The following FGF13 variants were observed in gnomAD, a reference collection of about 807,000 sequenced individuals.
FGF13 encodes fibroblast growth factor 13.
FGF13 carries 2 observed loss-of-function variants against 19.5 expected under a neutral mutation model. The observed-to-expected ratio is 0.10, with a 90% confidence interval of 0.04 to 0.32. The LOEUF (loss-of-function observed/expected upper bound fraction) is 0.32, where lower values mean the gene tolerates loss of function less well. Among genes scored for constraint, FGF13 ranks in the 10% least tolerant of loss-of-function variants. FGF13 has a pLI of 1.00. For synonymous variants in FGF13, 72 were observed against 76.9 expected (o/e 0.94, Z 0.33); for missense variants, 113 against 192.7 (o/e 0.59, Z 2.45).
At chrX:139,065,994 A>T (rs1292073579) in intron 1 of FGF13, among the ~76,000 whole-genome samples, 1 of 111,872 alleles carries the variant, frequency 8.9e-6, no homozygotes, top group Non-Finnish European at 1.9e-5. Context: ...AGTGCAATCA[A>T]ATTAAAACTC....
Position 139,198,086 on chromosome X carries a change from G to T in FGF13, c.-113+5330C>A, listed in dbSNP as rs545227441. ...AAAGGGCATGAAAGAACTTTCTGGG[G>T]TGACAAGAATGTTCTGTATCTTGAC... On this transcript the variant is annotated intron_variant, in intron 1 of 2. Coordinates refer to the FGF13 transcript ENST00000421460. Among the ~76,000 whole-genome samples the T allele has an allele frequency of 1.3e-4, 14 of 109,885 alleles. 1 individual carries two copies. The South Asian group carries it at 5.2e-3, about 41-fold the overall frequency.
chrX:138,785,677 G>C (rs2090686776), intron 3 of FGF13, among the ~76,000 whole-genome samples: 1 of 111,843 alleles, frequency 8.9e-6, no homozygotes, highest in South Asian at 3.7e-4. Context: ...ACTGGTCTTT[G>C]CTTCTAAATA....
intron 1 of FGF13, among the ~76,000 whole-genome samples, chrX:138,914,282 G>A (rs1157445949): frequency 9.4e-6 from 1 of 106,082 alleles, no homozygotes; most frequent in East Asian, 2.9e-4. Flanking sequence ...AGCTGCCATT[G>A]CCTTTCACAC....
chrX:138,638,182 A>G lies in FGF13; in HGVS notation c.403-2527T>C, dbSNP rs765427417. Among the ~76,000 whole-genome samples the G allele has an allele frequency of 1.4e-4, 16 of 111,714 alleles. No individual in the cohort carries two copies. The South Asian group carries it at 1.9e-3, about 13-fold the overall frequency. ...AAAGCAAAGTTCCCTTCCTTGGGAA[A>G]TTTTGATGATTTCACCTTGCCTATA... On this transcript the variant is annotated intron_variant, in intron 3 of 4. Transcript: ENST00000315930.
chrX:139,059,430 A>AAAG (rs1556348518), intron 1 of FGF13, among the ~76,000 whole-genome samples: 59 of 107,396 alleles, frequency 5.5e-4, no homozygotes, highest in African/African-American at 1.9e-3. Context: ...TTAAAAAAAA[A>AAAG]AGAGAGAGAG....
At chrX:138,988,515 T>G (rs1419220197) in intron 1 of FGF13, among the ~76,000 whole-genome samples, 1 of 112,375 alleles carries the variant, frequency 8.9e-6, no homozygotes, top group Non-Finnish European at 1.9e-5. Context: ...CAAAATTTGT[T>G]ACTATTTTTC....
At chrX:139,141,486 G>A (rs757110638) in intron 1 of FGF13, among the ~76,000 whole-genome samples, 22 of 111,668 alleles carry the variant, frequency 2.0e-4, no homozygotes, top group African/African-American at 2.9e-4. Flanking sequence ...ATCCAGCACC[G>A]TCTTATCCAC....
At chrX:138,931,922 C>T (rs1403616178) in intron 1 of FGF13, among the ~76,000 whole-genome samples, 1 of 110,404 alleles carries the variant, frequency 9.1e-6, no homozygotes, top group African/African-American at 3.3e-5. Context: ...ACAAATGGGC[C>T]CTTTAGCTAG....
chrX:139,047,084 G>A (rs950697270), intron 1 of FGF13, among the ~76,000 whole-genome samples: 1 of 112,396 alleles, frequency 8.9e-6, no homozygotes, highest in Non-Finnish European at 1.9e-5. Context: ...GCCTTGCTGA[G>A]GATTTCCCTG....
At chrX:138,830,606 A>G (rs781598976) in intron 3 of FGF13, among the ~76,000 whole-genome samples, 4 of 110,641 alleles carry the variant, frequency 3.6e-5, no homozygotes, top group Non-Finnish European at 7.6e-5. Flanking sequence ...TAAAGATAAA[A>G]TTTATAATTA....
At chrX:139,095,877 C>A (rs370978246) in intron 1 of FGF13, among the ~76,000 whole-genome samples, 4 of 111,897 alleles carry the variant, frequency 3.6e-5, no homozygotes, top group African/African-American at 1.3e-4. Flanking sequence ...GGGTAGGGTG[C>A]AATGCCAGGG....
At chrX:138,937,711 T>C (rs1222372079) in intron 1 of FGF13, among the ~76,000 whole-genome samples, 3 of 112,170 alleles carry the variant, frequency 2.7e-5, no homozygotes, top group Non-Finnish European at 3.8e-5. Flanking sequence ...CTTTTAATAT[T>C]TGTGGAAAGA....
At chrX:138,930,842 C>A (rs1419542340) in intron 1 of FGF13, among the ~76,000 whole-genome samples, 1 of 111,951 alleles carries the variant, frequency 8.9e-6, no homozygotes, top group African/African-American at 3.2e-5. Context: ...AGAGACACCC[C>A]AAACCTCCCT....
At chrX:138,989,091 T>C (rs758911243) in intron 1 of FGF13, among the ~76,000 whole-genome samples, 1 of 111,738 alleles carries the variant, frequency 8.9e-6, no homozygotes, top group African/African-American at 3.2e-5. Flanking sequence ...TCTTCTCTTA[T>C]GCTAATGATA....
chrX:138,935,913 AG>A (rs2091729106), intron 1 of FGF13, among the ~76,000 whole-genome samples: 1 of 112,465 alleles, frequency 8.9e-6, no homozygotes, highest in South Asian at 3.7e-4. Flanking sequence ...CACACTTACA[AG>A]CCCTGCTGCT....
chrX:139,139,832 G>A (rs773398321), intron 1 of FGF13, among the ~76,000 whole-genome samples: 9 of 111,676 alleles, frequency 8.1e-5, no homozygotes, highest in African/African-American at 1.6e-4. Flanking sequence ...AGAAAAATGC[G>A]TACAAAGGCA....
intron 1 of FGF13, among the ~76,000 whole-genome samples, chrX:138,972,822 A>G (rs2091924213): frequency 9.0e-6 from 1 of 111,422 alleles, no homozygotes; most frequent in Non-Finnish European, 1.9e-5. Context: ...GAGAAAGTCT[A>G]TTTAGATCTT....
intron 1 of FGF13, among the ~76,000 whole-genome samples, chrX:138,983,242 C>T (rs1262443357): frequency 9.1e-6 from 1 of 109,336 alleles, no homozygotes; most frequent in Non-Finnish European, 1.9e-5. Flanking sequence ...TTTACAGTTT[C>T]ATATTTTACA....
intron 3 of FGF13, among the ~76,000 whole-genome samples, chrX:138,828,464 A>G (rs1407934146): frequency 4.6e-5 from 5 of 108,347 alleles, no homozygotes; most frequent in African/African-American, 6.7e-5. Context: ...CAGCTACTCG[A>G]GAGGCTGAGG....
Sources: gnomAD v4.1 joint callset for allele counts (sites outside exome capture counted in the v4.1 genomes callset) on GRCh38, gnomAD v4.1.1 for gene constraint, MANE v1.5 for transcripts, NCBI Gene and HGNC (gene_info 2026-07-23, HGNC 2026-07-21) for gene names.